EYA4: variants seen among roughly 807,000 people sequenced by gnomAD.
The protein encoded by EYA4 is EYA transcriptional coactivator and phosphatase 4.
EYA4 carries 31 observed loss-of-function variants against 87.9 expected under a neutral mutation model. The ratio of observed to expected loss-of-function variants is 0.35; its 90% CI spans 0.27 to 0.48. EYA4 has a LOEUF of 0.48. Ranked by LOEUF, EYA4 falls within the 20% of genes least tolerant of loss-of-function variation. The pLI is 0.99. For synonymous variants in EYA4, 263 were observed against 270.6 expected (o/e 0.97, Z 0.28); for missense variants, 678 against 761.4 (o/e 0.89, Z 1.29).
At chr6:133,311,593 A>G (rs2128333732) in intron 2 of EYA4, among the ~76,000 whole-genome samples, 1 of 152,266 alleles carries the variant, frequency 6.6e-6, no homozygotes, top group East Asian at 1.9e-4. Context: ...TGCTGAGATT[A>G]CAGGTCTGAG....
Position 133,384,575 on chromosome 6 carries a change from A to G in EYA4, c.83+2134A>G, listed in dbSNP as rs367862485. ...ATGTGAGATGGAAAGACCTTCAAGAAGACCTAGAGTCATTTGTTGGTTCAA... is the reference window on the plus strand; with the variant it reads ...ATGTGAGATGGAAAGACCTTCAAGAGGACCTAGAGTCATTTGTTGGTTCAA... On this transcript the variant is annotated intron_variant, in intron 3 of 19. Transcript: ENST00000355286. Among the ~76,000 whole-genome samples the G allele has an allele frequency of 5.9e-5, 9 of 152,350 alleles. 1 individual carries two copies. The highest frequency in any genetic ancestry group is 3.9e-4 in the East Asian group (2 of 5,166).
At chr6:133,348,880 A>T (rs974835659) in intron 2 of EYA4, among the ~76,000 whole-genome samples, 3 of 152,166 alleles carry the variant, frequency 2.0e-5, no homozygotes, top group Non-Finnish European at 4.4e-5. Flanking sequence ...TTAAAAGATT[A>T]AGTCAGAGCC....
intron 9 of EYA4, 130 bp downstream of exon 9, chr6:133,462,894 G>C: frequency 1.2e-6 from 1 of 853,104 alleles, no homozygotes; most frequent in Non-Finnish European, 1.9e-6. Flanking sequence ...AATTTCTAAA[G>C]AAAGATAACT....
At chr6:133,527,870 G>A (rs2128824694) in intron 19 of EYA4, among the ~76,000 whole-genome samples, 1 of 152,172 alleles carries the variant, frequency 6.6e-6, no homozygotes, top group African/African-American at 2.4e-5. Flanking sequence ...TCATGCTTTT[G>A]TTTTGTCAGT....
At chr6:133,492,542 G>C (rs563852008) in intron 13 of EYA4, among the ~76,000 whole-genome samples, 3 of 152,292 alleles carry the variant, frequency 2.0e-5, no homozygotes, top group African/African-American at 7.2e-5. Context: ...CTAAGATCTG[G>C]AGCAGAACAA....
rs187769511 is a variant in EYA4 at position 133,448,018 on chromosome 6, A to T, written c.209-93A>T. ...ATACAGTGCAGTTATAATTTTGGCTAAAAGGTCAGAAACCAGTGCAAGCAT... is the reference window on the plus strand; with the variant it reads ...ATACAGTGCAGTTATAATTTTGGCTTAAAGGTCAGAAACCAGTGCAAGCAT... On this transcript the variant is annotated intron_variant, in intron 4 of 19. Transcript: ENST00000355286. 14 of 976,312 alleles carry T rather than the reference A, an allele frequency of 1.4e-5. No individual in the cohort carries two copies. The Admixed American group carries it at 2.6e-4, about 18-fold the overall frequency. 60.5% of individuals were successfully genotyped at this position (976,312 alleles called of 1,614,324 possible).
chr6:133,387,384 A>C (rs1786843453), intron 3 of EYA4, among the ~76,000 whole-genome samples: 1 of 152,172 alleles, frequency 6.6e-6, no homozygotes, highest in Non-Finnish European at 1.5e-5. Flanking sequence ...GTCAAATCAG[A>C]GGTCCATCTA....
intron 3 of EYA4, among the ~76,000 whole-genome samples, chr6:133,430,642 A>C (rs1318772121): frequency 6.6e-6 from 1 of 152,210 alleles, no homozygotes; most frequent in Non-Finnish European, 1.5e-5. Flanking sequence ...AAAAACAATA[A>C]AACTATGCCA....
At chr6:133,378,957 G>A (rs937897676) in intron 2 of EYA4, among the ~76,000 whole-genome samples, 1 of 144,774 alleles carries the variant, frequency 6.9e-6, no homozygotes, top group Non-Finnish European at 1.6e-5. Flanking sequence ...GTGTGTGTGT[G>A]TGTGTATTTC....
Position 133,292,536 on chromosome 6 carries a change from T to A in EYA4, c.33+17723T>A, listed in dbSNP as rs17062305. 8.9e-3 allele frequency among the ~76,000 whole-genome samples: 1,354 copies of A among 152,260 alleles called. 21 individuals carry two copies. Among genetic ancestry groups the A allele is most frequent in the African/African-American group, 0.031 (1,294 of 41,544 alleles). ...ATGGATTGAATGTTGATGTTGGGATTTTAAACGGGAAGTTGCTTTGCTGTT... is the reference window on the plus strand; with the variant it reads ...ATGGATTGAATGTTGATGTTGGGATATTAAACGGGAAGTTGCTTTGCTGTT... On this transcript the variant is annotated intron_variant, in intron 2 of 19. Coordinates refer to ENST00000355286, the MANE Select transcript of EYA4 (RefSeq NM_004100.5).
intron 2 of EYA4, among the ~76,000 whole-genome samples, chr6:133,320,491 T>C (rs970551971): frequency 2.0e-5 from 3 of 149,774 alleles, no homozygotes; most frequent in Non-Finnish European, 4.5e-5. Context: ...TTTTTTTTTC[T>C]CTTTTATCCT....
chr6:133,410,068 T>G (rs3822932), intron 3 of EYA4, among the ~76,000 whole-genome samples: 8,253 of 152,190 alleles, frequency 0.054, 667 homozygotes, highest in African/African-American at 0.17. Flanking sequence ...TATTAAAATT[T>G]TAATGCAGCA....
chr6:133,497,576 T>C (rs913334681), intron 13 of EYA4, among the ~76,000 whole-genome samples: 6 of 152,162 alleles, frequency 3.9e-5, no homozygotes, highest in Non-Finnish European at 5.9e-5. Context: ...ACAGTGTCTG[T>C]GCTGCAAAAC....
chr6:133,341,192 G>T (rs1024710665), intron 2 of EYA4, among the ~76,000 whole-genome samples: 1 of 152,164 alleles, frequency 6.6e-6, no homozygotes, highest in East Asian at 1.9e-4. Flanking sequence ...GCAAACAGTT[G>T]CCTAGGCTAC....
At chr6:133,505,828 AT>A (rs1173614974) in intron 13 of EYA4, among the ~76,000 whole-genome samples, 1 of 152,086 alleles carries the variant, frequency 6.6e-6, no homozygotes, top group Non-Finnish European at 1.5e-5. Context: ...GAACTAGCTG[AT>A]TTCCTTCCTC....
chr6:133,505,024 C>T (rs1303241254), intron 13 of EYA4, among the ~76,000 whole-genome samples: 1 of 152,196 alleles, frequency 6.6e-6, no homozygotes, highest in Non-Finnish European at 1.5e-5. Flanking sequence ...TCCTTCTAGA[C>T]TTGTCAGCTT....
At chr6:133,333,179 C>T (rs536622013) in intron 2 of EYA4, among the ~76,000 whole-genome samples, 36 of 152,326 alleles carry the variant, frequency 2.4e-4, no homozygotes, top group African/African-American at 4.8e-4. Context: ...TCCCACTAGA[C>T]TGTAAGCCTT....
At chr6:133,306,271 C>T (rs924436410) in intron 2 of EYA4, among the ~76,000 whole-genome samples, 3 of 152,070 alleles carry the variant, frequency 2.0e-5, no homozygotes, top group South Asian at 2.1e-4. Flanking sequence ...CTCCAGAGTC[C>T]GTGTTCTTGC....
At chr6:133,386,939 C>T (rs1198568492) in intron 3 of EYA4, among the ~76,000 whole-genome samples, 2 of 152,158 alleles carry the variant, frequency 1.3e-5, no homozygotes, top group Non-Finnish European at 2.9e-5. Flanking sequence ...ATTGAGTTTG[C>T]TGAGAACTTA....
Sources: gnomAD v4.1 joint callset for allele counts (sites outside exome capture counted in the v4.1 genomes callset) on GRCh38, gnomAD v4.1.1 for gene constraint, MANE v1.5 for transcripts, NCBI Gene and HGNC (gene_info 2026-07-23, HGNC 2026-07-21) for gene names.